Variants in USH2A observed in about 807,000 individuals in gnomAD.
The protein encoded by USH2A is Usher syndrome 2A (autosomal recessive, mild).
A neutral mutation model predicts 538.9 loss-of-function variants in USH2A; 443 were observed. The ratio of observed to expected loss-of-function variants is 0.82; its 90% CI spans 0.76 to 0.89. The LOEUF is 0.89. Ranked by LOEUF, USH2A falls within the 40% of genes least tolerant of loss-of-function variation. USH2A has a pLI of 0.00. For missense variants in USH2A, 6,633 were observed against 6,324.8 expected (o/e 1.05, Z -1.65); for synonymous variants, 2,413 against 2,273.5 (o/e 1.06, Z -1.75).
At chr1:216,269,415 T>A (rs973336555) in intron 11 of USH2A, among the ~76,000 whole-genome samples, 2 of 152,106 alleles carry the variant, frequency 1.3e-5, no homozygotes, top group Non-Finnish European at 2.9e-5. Context: ...GAACTGTAAG[T>A]CCTGTATAAA....
At chr1:216,120,829 C>T (rs966258301) in intron 21 of USH2A, among the ~76,000 whole-genome samples, 7 of 151,534 alleles carry the variant, frequency 4.6e-5, no homozygotes. Flanking sequence ...GCAGTCTGGG[C>T]GACACAGTGA....
intron 23 of USH2A, among the ~76,000 whole-genome samples, chr1:216,087,851 C>T (rs1396056941): frequency 6.6e-6 from 1 of 152,134 alleles, no homozygotes; most frequent in Non-Finnish European, 1.5e-5. Context: ...AACTGATCTC[C>T]ATGCCTTCAC....
At chr1:216,231,650 C>T (rs550654051) in intron 14 of USH2A, among the ~76,000 whole-genome samples, 14 of 151,848 alleles carry the variant, frequency 9.2e-5, no homozygotes, top group African/African-American at 3.4e-4. Context: ...CCGGTTCAAG[C>T]GATTCTTCTG....
chr1:216,360,366 G>C (rs1262651528), intron 4 of USH2A, among the ~76,000 whole-genome samples: 10 of 152,036 alleles, frequency 6.6e-5, no homozygotes, highest in Non-Finnish European at 1.5e-4. Flanking sequence ...AAAATACAGA[G>C]ACAGTGAAAA....
intron 64 of USH2A, among the ~76,000 whole-genome samples, chr1:215,659,106 T>G (rs773275504): frequency 6.6e-6 from 1 of 151,904 alleles, no homozygotes; most frequent in Non-Finnish European, 1.5e-5. Context: ...AAAACACAAA[T>G]AAAATAAACA....
chr1:216,214,923 G>A (rs74686846), intron 15 of USH2A, among the ~76,000 whole-genome samples: 2,960 of 151,850 alleles, frequency 0.019, 82 homozygotes, highest in African/African-American at 0.067. Flanking sequence ...AATATCATTC[G>A]CTAGGAAAGC....
intron 20 of USH2A, among the ~76,000 whole-genome samples, chr1:216,178,942 T>G (rs1007802780): frequency 6.6e-6 from 1 of 152,116 alleles, no homozygotes; most frequent in African/African-American, 2.4e-5. Context: ...TTATACATAT[T>G]TGGTGTGTTG....
intron 61 of USH2A, among the ~76,000 whole-genome samples, chr1:215,681,489 T>C (rs1012290479): frequency 6.6e-6 from 1 of 152,176 alleles, no homozygotes; most frequent in Non-Finnish European, 1.5e-5. Flanking sequence ...ATACATGGTC[T>C]TCAATTGTCT....
At position 215,845,956 on chromosome 1, in the gene USH2A, T is replaced by C. The variant is rs867946356; in HGVS notation, c.8923A>G (p.Ile2975Val). 1 of 1,613,822 alleles carries C rather than the reference T, an allele frequency of 6.2e-7. No homozygotes were observed. The highest frequency in any genetic ancestry group is 1.3e-5 in the African/African-American group (1 of 74,912). ...ACATGAGAGTTTACATCTGGCAAGA[T>C]TTTTAGAGAGTCGTTTGAGGTAGCA... ...SSATSNDSLK[I>V]LPDVNSHVIG... Residue 2975 changes from isoleucine (I) to valine (V), a missense_variant, in exon 45 of 72, where the codon ATC becomes GTC. Ile to Val is a conservative substitution (Grantham distance 29). Coordinates refer to ENST00000307340, the MANE Select transcript of USH2A (RefSeq NM_206933.4).
chr1:216,149,732 G>A (rs1166702355), intron 21 of USH2A, among the ~76,000 whole-genome samples: 1 of 152,074 alleles, frequency 6.6e-6, no homozygotes, highest in Non-Finnish European at 1.5e-5. Flanking sequence ...CAGATCCCCA[G>A]CCATATGAAG....
At chr1:216,250,853 A>G (rs1458310226) in intron 12 of USH2A, 50 bp downstream of exon 12, 10 of 1,587,830 alleles carry the variant, frequency 6.3e-6, no homozygotes, top group African/African-American at 1.3e-5. Context: ...AGAGAATTTT[A>G]TTCCAGATGG....
intron 37 of USH2A, among the ~76,000 whole-genome samples, chr1:215,957,612 A>G (rs1003337374): frequency 2.5e-4 from 38 of 152,156 alleles, no homozygotes; most frequent in Admixed American, 2.4e-3. Context: ...ATATGTGGGC[A>G]TAAAAAGAAA....
At chr1:215,799,174 C>T (rs1449813697) in intron 49 of USH2A, 49 bp from the exon 50 acceptor site, 5 of 1,528,414 alleles carry the variant, frequency 3.3e-6, no homozygotes, top group East Asian at 4.7e-5. Context: ...AAAAAATATG[C>T]TATGACTAAC....
chr1:215,951,960 G>A (rs1666930149), intron 37 of USH2A, among the ~76,000 whole-genome samples: 1 of 151,534 alleles, frequency 6.6e-6, no homozygotes, highest in African/African-American at 2.4e-5. Context: ...CGCTTCCCGG[G>A]TTCACGCCAT....
At chr1:216,251,540 T>C (rs1219045738) in intron 11 of USH2A, among the ~76,000 whole-genome samples, 1 of 136,162 alleles carries the variant, frequency 7.3e-6, no homozygotes, top group African/African-American at 2.6e-5. Flanking sequence ...AAGCTCCGCC[T>C]TCTGGGTTCA....
intron 44 of USH2A, among the ~76,000 whole-genome samples, chr1:215,861,189 C>A (rs965112773): frequency 2.0e-5 from 3 of 152,162 alleles, no homozygotes; most frequent in Non-Finnish European, 4.4e-5. Context: ...TTTGGAAACT[C>A]CAGAGCTACT....
chr1:216,120,426 C>T (rs1571977185), intron 21 of USH2A, among the ~76,000 whole-genome samples: 2 of 151,722 alleles, frequency 1.3e-5, no homozygotes, highest in African/African-American at 2.4e-5. Context: ...GTCACCCAGG[C>T]TGGAGTGCAA....
chr1:216,406,870 C>A (rs1377565139), intron 3 of USH2A, among the ~76,000 whole-genome samples: 1 of 152,126 alleles, frequency 6.6e-6, no homozygotes, highest in Non-Finnish European at 1.5e-5. Context: ...ACTGGAATAA[C>A]ACAATGGGTT....
At chr1:216,099,046 T>A (rs2032515031) in intron 21 of USH2A, among the ~76,000 whole-genome samples, 1 of 152,196 alleles carries the variant, frequency 6.6e-6, no homozygotes, top group South Asian at 2.1e-4. Flanking sequence ...CTAAGTCATT[T>A]TTAGAGTGCT....
Sources: allele counts gnomAD v4.1 joint callset (sites outside exome capture counted in the v4.1 genomes callset), GRCh38; gene constraint gnomAD v4.1.1; transcripts MANE v1.5; gene names NCBI Gene and HGNC (gene_info 2026-07-23, HGNC 2026-07-21).